MGAT4A: variants seen among roughly 807,000 people sequenced by gnomAD.
MGAT4A encodes the protein N-acetylglucosaminyltransferase IVa.
A neutral mutation model predicts 74.1 loss-of-function variants in MGAT4A; 33 were observed. The observed-to-expected ratio is 0.45, with a 90% CI of 0.34 to 0.60. MGAT4A has a LOEUF of 0.60. Ranked by LOEUF, MGAT4A falls within the 20% of genes least tolerant of loss-of-function variation. MGAT4A has a pLI of 0.02. For missense variants in MGAT4A, 479 were observed against 628.3 expected (o/e 0.76, Z 2.54); for synonymous variants, 198 against 210.4 (o/e 0.94, Z 0.51).
At chr2:98,721,703 T>C (rs529950193) in intron 2 of MGAT4A, among the ~76,000 whole-genome samples, 82 of 152,154 alleles carry the variant, frequency 5.4e-4, no homozygotes, top group African/African-American at 1.9e-3. Context: ...TAAGCTAGTA[T>C]AAATCTAAAG....
At chr2:98,640,823 G>C (rs1262189458) in intron 10 of MGAT4A, among the ~76,000 whole-genome samples, 1 of 152,072 alleles carries the variant, frequency 6.6e-6, no homozygotes, top group Non-Finnish European at 1.5e-5. Flanking sequence ...ACAAAGATTT[G>C]ACTTTTAATA....
intron 4 of MGAT4A, among the ~76,000 whole-genome samples, chr2:98,663,695 G>A (rs530458033): frequency 6.6e-6 from 1 of 152,158 alleles, no homozygotes; most frequent in Admixed American, 6.5e-5. Flanking sequence ...GAAAGACAGA[G>A]TAATGAATGG....
chr2:98,692,184 TTC>T (rs1454676592), intron 2 of MGAT4A, among the ~76,000 whole-genome samples: 3 of 152,188 alleles, frequency 2.0e-5, no homozygotes, highest in African/African-American at 7.2e-5. Context: ...AGCCTCAACC[TTC>T]TTGGCTCAAG....
chr2:98,652,508 T>C (rs1166764907), intron 8 of MGAT4A, among the ~76,000 whole-genome samples: 2 of 152,116 alleles, frequency 1.3e-5, no homozygotes, highest in Non-Finnish European at 2.9e-5. Context: ...ATTTTTTGTA[T>C]TTTTAGTAGA....
At chr2:98,712,652 C>T (rs1355490877) in intron 2 of MGAT4A, among the ~76,000 whole-genome samples, 1 of 152,204 alleles carries the variant, frequency 6.6e-6, no homozygotes, top group Non-Finnish European at 1.5e-5. Context: ...TCTAAACCTG[C>T]TGAACTGAAG....
At chr2:98,682,422 C>CAAAAAAAAA (rs1013377462) in intron 2 of MGAT4A, among the ~76,000 whole-genome samples, 2 of 36,452 alleles carry the variant, frequency 5.5e-5, no homozygotes, top group Non-Finnish European at 9.6e-5. Context: ...AATTCCATCT[C>CAAAAAAAAA]AAAAAAAAAA....
At chr2:98,628,236 G>A (rs1701175366) in intron 14 of MGAT4A, among the ~76,000 whole-genome samples, 1 of 152,130 alleles carries the variant, frequency 6.6e-6, no homozygotes, top group Non-Finnish European at 1.5e-5. Context: ...AGTAATAACT[G>A]AGCAGTACCA....
At chr2:98,632,311 G>A (rs895565628) in intron 14 of MGAT4A, among the ~76,000 whole-genome samples, 1 of 152,080 alleles carries the variant, frequency 6.6e-6, no homozygotes, top group African/African-American at 2.4e-5. Flanking sequence ...TGCTCCCCTA[G>A]GGGTTTGAGC....
At position 98,704,027 on chromosome 2, in the gene MGAT4A, G is replaced by A. The variant is rs1053721437; in HGVS notation, c.94+22212C>T. 5.9e-5 allele frequency among the ~76,000 whole-genome samples: 9 copies of A among 152,234 alleles called. 1 individual carries two copies. In the South Asian group the frequency reaches 1.2e-3, roughly 21 times the overall value. Reference sequence around the variant, plus strand: ...TCAGTCTGCCTAGTTGCTCAACTACGACTGTGTAACATCCTCCAACTTAAC... The same window carrying A: ...TCAGTCTGCCTAGTTGCTCAACTACAACTGTGTAACATCCTCCAACTTAAC... On this transcript the variant is annotated intron_variant, in intron 2 of 15. Coordinates refer to ENST00000393487, the MANE Select transcript of MGAT4A (RefSeq NM_012214.3).
chr2:98,650,812 G>T (rs538862930), intron 8 of MGAT4A, among the ~76,000 whole-genome samples: 1 of 152,218 alleles, frequency 6.6e-6, no homozygotes, highest in African/African-American at 2.4e-5. Context: ...TTAGCTGGGT[G>T]TGGTGGTGGG....
At chr2:98,705,503 G>C (rs563114773) in intron 2 of MGAT4A, among the ~76,000 whole-genome samples, 1 of 152,144 alleles carries the variant, frequency 6.6e-6, no homozygotes, top group Non-Finnish European at 1.5e-5. Context: ...ACTGTCAACA[G>C]TACTCCCTTT....
rs532948593 is a variant in MGAT4A at position 98,645,890 on chromosome 2, A to AG, written c.775-349dup. Reference sequence around the variant, plus strand: ...ATCACAGCAGAAGTTATGGGGAGGGAGGGGGAAAAAGAGAAGGAGGATATC... The same window carrying AG: ...ATCACAGCAGAAGTTATGGGGAGGGAGGGGGGAAAAAGAGAAGGAGGATATC... On this transcript the variant is annotated intron_variant, in intron 8 of 15. Transcript: ENST00000393487. Among the ~76,000 whole-genome samples, 627 of 152,102 alleles carry AG rather than the reference A, an allele frequency of 4.1e-3. 2 individuals are homozygous for AG. Among genetic ancestry groups the AG allele is most frequent in the African/African-American group, 0.015 (608 of 41,506 alleles).
At chr2:98,730,539 G>A (rs10174321) in intron 1 of MGAT4A, among the ~76,000 whole-genome samples, 85,231 of 151,372 alleles carry the variant, frequency 0.56, 24,492 homozygotes, top group African/African-American at 0.63. Context: ...GGACCGTCCG[G>A]CCCCGCCCAC....
At chr2:98,652,085 T>C (rs917003788) in intron 8 of MGAT4A, among the ~76,000 whole-genome samples, 7 of 152,144 alleles carry the variant, frequency 4.6e-5, no homozygotes, top group Non-Finnish European at 8.8e-5. Flanking sequence ...CTGACAGAAT[T>C]GAAAGAAGAA....
intron 14 of MGAT4A, among the ~76,000 whole-genome samples, chr2:98,631,638 G>A (rs192611679): frequency 1.5e-4 from 23 of 152,334 alleles, no homozygotes; most frequent in Middle Eastern, 3.4e-3. Flanking sequence ...CAGGGCAGTC[G>A]GAGGAGAGCC....
intron 4 of MGAT4A, among the ~76,000 whole-genome samples, chr2:98,669,078 GAA>G (rs1322577923): frequency 1.3e-5 from 2 of 152,188 alleles, no homozygotes; most frequent in East Asian, 3.8e-4. Flanking sequence ...AGTTAATGCT[GAA>G]AAGAGTTAAG....
At chr2:98,728,772 C>T (rs1189193420) in intron 1 of MGAT4A, among the ~76,000 whole-genome samples, 1 of 151,392 alleles carries the variant, frequency 6.6e-6, no homozygotes, top group Non-Finnish European at 1.5e-5. Flanking sequence ...CATAGCAAGA[C>T]TGCTCTAATT....
intron 2 of MGAT4A, among the ~76,000 whole-genome samples, chr2:98,682,160 C>T (rs1016614899): frequency 6.6e-6 from 1 of 152,136 alleles, no homozygotes; most frequent in Non-Finnish European, 1.5e-5. Context: ...CGGTGGCTCA[C>T]GCCTGTAATC....
chr2:98,658,692 T>G (rs773784959), intron 5 of MGAT4A, among the ~76,000 whole-genome samples: 136 of 152,278 alleles, frequency 8.9e-4, no homozygotes, highest in Middle Eastern at 6.8e-3. Flanking sequence ...TTTCAACCTA[T>G]TCTATGAAAA....
Sources: gnomAD v4.1 joint callset for allele counts (sites outside exome capture counted in the v4.1 genomes callset) on GRCh38, gnomAD v4.1.1 for gene constraint, MANE v1.5 for transcripts, NCBI Gene and HGNC (gene_info 2026-07-23, HGNC 2026-07-21) for gene names.